Variants in DEAF1 observed in about 807,000 individuals in gnomAD.
The protein encoded by DEAF1 is deformed epidermal autoregulatory factor 1 homolog.
A neutral mutation model predicts 58.9 loss-of-function variants in DEAF1; 53 were observed. The observed-to-expected ratio is 0.90, with a 90% CI of 0.72 to 1.13. The LOEUF is 1.13. DEAF1 is among the 50% of genes most tolerant of loss of function. The pLI is 0.00. For missense variants in DEAF1, 685 were observed against 791.4 expected (o/e 0.87, Z 1.61); for synonymous variants, 385 against 340.4 (o/e 1.13, Z -1.44).
At chr11:671,130 A>T (rs1039543196) in intron 10 of DEAF1, among the ~76,000 whole-genome samples, 2 of 151,402 alleles carry the variant, frequency 1.3e-5, no homozygotes, top group Non-Finnish European at 2.9e-5. Flanking sequence ...GGGTTTCACC[A>T]TGTTAGCCAG....
rs1312776491 is a variant in DEAF1, at chr11:644,662, G to A, written c.1594-8C>T. On this transcript the variant is annotated splice_polypyrimidine_tract_variant and splice_region_variant and intron_variant, in intron 11 of 11. Coordinates refer to ENST00000382409, the MANE Select transcript of DEAF1 (RefSeq NM_021008.4). The surrounding 1 kb of genome is among the most constrained non-coding windows in gnomAD (Gnocchi z 4.3). The stretch of plus-strand genomic sequence containing the variant: ...CTGGTGATCCTTCCAGTCCTGGAAG[G>A]GAGGACACACCCATGTCAGCAGGGT... 6.2e-7 allele frequency: 1 copy of A among 1,602,474 alleles called. No individual in the cohort carries two copies. Among genetic ancestry groups the A allele is most frequent in the African/African-American group, 1.3e-5 (1 of 74,762 alleles).
intron 11 of DEAF1, among the ~76,000 whole-genome samples, chr11:649,417 A>C (rs1323711813): frequency 7.9e-6 from 1 of 125,800 alleles, no homozygotes; most frequent in Non-Finnish European, 1.8e-5. Context: ...GAGAGACCCC[A>C]CTTAAAAAAA....
intron 11 of DEAF1, among the ~76,000 whole-genome samples, chr11:647,409 C>A (rs760697630): frequency 1.3e-4 from 19 of 151,726 alleles, no homozygotes; most frequent in Non-Finnish European, 2.8e-4. Context: ...GAGCCAAGAT[C>A]GCGCCGCTGC....
At chr11:700,341 A>T in intron 1 of DEAF1, 1 of 1,031,960 alleles carries the variant, frequency 9.7e-7, no homozygotes, top group East Asian at 2.4e-5. Flanking sequence ...AGCCAGGCCA[A>T]CATGGGGAAA....
chr11:679,726 T>C lies in DEAF1; in HGVS notation c.1088A>G (p.Glu363Gly). 2 of 1,613,752 alleles carry C rather than the reference T, an allele frequency of 1.2e-6. No individual in the cohort carries two copies. Among genetic ancestry groups the C allele is most frequent in the South Asian group, 1.1e-5 (1 of 91,090 alleles). The stretch of plus-strand genomic sequence containing the variant: ...GAAGACGTCGCCCTGGGCCGGACTC[T>C]CTGATATGACAGCAGTGGCCTCTAC... ...STVEATAVISESPAQGDVFAG... is the reference protein window; with the variant it reads ...STVEATAVISGSPAQGDVFAG... The change falls in exon 8 of 12, where the codon GAG (glutamate) becomes GGG (glycine). Residue 363 changes from glutamate to glycine, a missense_variant. By Grantham distance (98) the Glu-to-Gly change is moderately conservative (BLOSUM62 -2). This residue lies in a region of DEAF1 where 343 missense variants were observed against 379.8 expected (regional missense o/e 0.90). Coordinates refer to ENST00000382409, the MANE Select transcript of DEAF1 (RefSeq NM_021008.4).
chr11:646,051 G>C (rs368465400), intron 11 of DEAF1, among the ~76,000 whole-genome samples: 2 of 151,908 alleles, frequency 1.3e-5, no homozygotes, highest in Non-Finnish European at 2.9e-5. Context: ...CCAGGAGCTC[G>C]AGACCAGCCT....
chr11:687,098 G>A (rs1264731275), intron 4 of DEAF1, 101 bp from the exon 5 acceptor site: 2 of 1,546,348 alleles, frequency 1.3e-6, no homozygotes, highest in African/African-American at 1.4e-5. Flanking sequence ...CAGCACCAGC[G>A]CCCCAGCGGC....
intron 1 of DEAF1, chr11:700,904 C>T (rs1346653180): frequency 3.2e-6 from 2 of 620,694 alleles, no homozygotes; most frequent in Non-Finnish European, 5.8e-6. Context: ...AGACAAATAA[C>T]ACTGGGGGCA....
chr11:695,066 T>C lies in DEAF1; in HGVS notation c.-19A>G. On this transcript the variant is annotated 5_prime_UTR_variant, in exon 1 of 12. Transcript: ENST00000382409. The stretch of plus-strand genomic sequence containing the variant: ...CCTCCATCCGGACTCCGCCGAGCCT[T>C]CCCGAAGGCGCCGTCCGGGACCGCC... 7.0e-7 allele frequency: 1 copy of C among 1,436,288 alleles called. No homozygotes were observed. Among genetic ancestry groups the C allele is most frequent in the South Asian group, 1.3e-5 (1 of 76,942 alleles). 89.0% of individuals were successfully genotyped at this position (1,436,288 alleles called of 1,614,324 possible).
At chr11:669,082 C>A (rs1859686706) in intron 10 of DEAF1, among the ~76,000 whole-genome samples, 1 of 150,660 alleles carries the variant, frequency 6.6e-6, no homozygotes, top group African/African-American at 2.4e-5. Context: ...GCCTCGGCCT[C>A]CCAAACTGCT....
intron 10 of DEAF1, among the ~76,000 whole-genome samples, chr11:673,199 T>A (rs1859906240): frequency 6.6e-6 from 1 of 151,944 alleles, no homozygotes; most frequent in Non-Finnish European, 1.5e-5. Context: ...AAAATAATGA[T>A]AATAAAATAA....
At chr11:700,086 A>C, upstream of DEAF1, 2 of 1,484,798 alleles carry the variant, frequency 1.3e-6, no homozygotes, top group South Asian at 2.3e-5. Flanking sequence ...TTGTTCAGCC[A>C]CCTGGGAGGC....
intron 2 of DEAF1, among the ~76,000 whole-genome samples, chr11:689,061 C>G (rs1860716828): frequency 6.6e-6 from 1 of 152,216 alleles, no homozygotes; most frequent in Non-Finnish European, 1.5e-5. Context: ...CCTGCAGGCT[C>G]TGTTCACCCC....
At chr11:657,258 C>T (rs1392890496) in intron 10 of DEAF1, among the ~76,000 whole-genome samples, 2 of 152,130 alleles carry the variant, frequency 1.3e-5, no homozygotes, top group Non-Finnish European at 2.9e-5. Flanking sequence ...GGCTGATTCC[C>T]GGGCCAGGGC....
At chr11:650,592 C>A (rs1437972127) in intron 11 of DEAF1, among the ~76,000 whole-genome samples, 1 of 152,080 alleles carries the variant, frequency 6.6e-6, no homozygotes, top group African/African-American at 2.4e-5. Flanking sequence ...AGATCCTCCC[C>A]TCTTGGCCTC....
At chr11:705,872 C>T (rs1861690130) in intron 1 of DEAF1, among the ~76,000 whole-genome samples, 1 of 152,250 alleles carries the variant, frequency 6.6e-6, no homozygotes. Context: ...AGGCCCTGCC[C>T]AAGGAAGAGC....
intron 1 of DEAF1, chr11:700,639 G>T (rs547402747): frequency 1.4e-5 from 22 of 1,614,020 alleles, no homozygotes; most frequent in Non-Finnish European, 1.9e-5. Context: ...TATCCTCACC[G>T]CTACCTGGTC....
intron 6 of DEAF1, among the ~76,000 whole-genome samples, chr11:681,502 C>T (rs12291981): frequency 6.6e-6 from 1 of 150,574 alleles, no homozygotes; most frequent in Non-Finnish European, 1.5e-5. Context: ...GCTCTGCCTC[C>T]CGGGTTCATG....
intron 1 of DEAF1, chr11:706,107 C>A: frequency 6.6e-6 from 1 of 152,338 alleles, no homozygotes; most frequent in South Asian, 2.0e-4. Context: ...GCGCGCCCGC[C>A]CGCTCTCGGG....
Sources: allele counts gnomAD v4.1 joint callset (sites outside exome capture counted in the v4.1 genomes callset), GRCh38; gene constraint gnomAD v4.1.1; regional missense constraint gnomAD v4.1.1; non-coding constraint Gnocchi (gnomAD v3.1); transcripts MANE v1.5; gene names NCBI Gene and HGNC (gene_info 2026-07-23, HGNC 2026-07-21).